PCDH15: variants seen among roughly 807,000 people sequenced by gnomAD.
PCDH15 encodes the protein protocadherin related 15, also known as protocadherin-15.
In PCDH15, 129 loss-of-function variants were observed where a neutral mutation model predicts 178.5. The ratio of observed to expected loss-of-function variants is 0.72; its 90% CI spans 0.63 to 0.84. PCDH15 has a LOEUF of 0.84. PCDH15 is among the 40% of genes least tolerant of loss of function. PCDH15 has a pLI of 0.00. For missense variants in PCDH15, 2,230 were observed against 2,099.9 expected, an observed-to-expected ratio of 1.06 and a Z score of -1.21; for synonymous variants, 800 against 732.0, an observed-to-expected ratio of 1.09 and a Z score of -1.50.
intron 13 of PCDH15, among the ~76,000 whole-genome samples, chr10:54,159,943 A>G (rs867160355): frequency 3.9e-5 from 6 of 152,330 alleles, no homozygotes; most frequent in East Asian, 1.9e-4. Flanking sequence ...ACCTCAGCAT[A>G]CAATTTTTTT....
intron 8 of PCDH15, among the ~76,000 whole-genome samples, chr10:54,286,100 G>A (rs1322602947): frequency 6.6e-6 from 1 of 152,170 alleles, no homozygotes; most frequent in African/African-American, 2.4e-5. Flanking sequence ...AGTTACATTT[G>A]CACAGGATGA....
chr10:54,004,260 C>A (rs1357875208), intron 20 of PCDH15, among the ~76,000 whole-genome samples: 6 of 151,868 alleles, frequency 4.0e-5, no homozygotes, highest in Non-Finnish European at 8.8e-5. Context: ...CACTGTTATT[C>A]AATATAGTAC....
intron 2 of PCDH15, among the ~76,000 whole-genome samples, chr10:55,463,501 T>C (rs1011232822): frequency 4.6e-5 from 7 of 151,610 alleles, no homozygotes; most frequent in Non-Finnish European, 1.0e-4. Flanking sequence ...ATAATAAAAA[T>C]AAATTAGCCA....
intron 26 of PCDH15, among the ~76,000 whole-genome samples, chr10:53,892,201 G>GTTTTTAGT (rs1219196860): frequency 1.3e-5 from 2 of 151,184 alleles, no homozygotes; most frequent in Non-Finnish European, 3.0e-5. Flanking sequence ...ATTTTTTGTA[G>GTTTTTAGT]TTTTTAGTAG....
chr10:54,828,678 G>A (rs1248156075), intron 3 of PCDH15, among the ~76,000 whole-genome samples: 1 of 151,836 alleles, frequency 6.6e-6, no homozygotes, highest in Non-Finnish European at 1.5e-5. Context: ...ATTTTAAGTA[G>A]CTCCTATATG....
intron 2 of PCDH15, among the ~76,000 whole-genome samples, chr10:54,628,766 A>G (rs1328534783): frequency 6.6e-6 from 1 of 152,102 alleles, no homozygotes; most frequent in Non-Finnish European, 1.5e-5. Flanking sequence ...TTATGACTGG[A>G]GTTGGTGAGA....
At chr10:55,294,370 T>G (rs187694735) in intron 1 of PCDH15, among the ~76,000 whole-genome samples, 1 of 152,264 alleles carries the variant, frequency 6.6e-6, no homozygotes, top group African/African-American at 2.4e-5. Flanking sequence ...TATAGCTAGG[T>G]GTTGAACTAA....
At chr10:54,681,697 T>G (rs559293359) in intron 1 of PCDH15, among the ~76,000 whole-genome samples, 1 of 152,298 alleles carries the variant, frequency 6.6e-6, no homozygotes, top group African/African-American at 2.4e-5. Flanking sequence ...TGTTAGTGTT[T>G]TTTTTTACTG....
intron 2 of PCDH15, among the ~76,000 whole-genome samples, chr10:55,153,873 TA>T (rs1157034181): frequency 2.0e-5 from 3 of 152,304 alleles, no homozygotes; most frequent in Admixed American, 2.0e-4. Context: ...AAGTTCTACT[TA>T]AACAAGTCAG....
chr10:55,084,687 T>C (rs781521680), intron 2 of PCDH15, among the ~76,000 whole-genome samples: 31 of 151,920 alleles, frequency 2.0e-4, no homozygotes, highest in Non-Finnish European at 4.4e-5. Context: ...TAACAAGGGA[T>C]TAATAACCAG....
chr10:54,199,564 C>CAATAAT (rs1376777913), intron 10 of PCDH15, among the ~76,000 whole-genome samples: 1,316 of 79,236 alleles, frequency 0.017, 17 homozygotes, highest in African/African-American at 0.047. Flanking sequence ...TAAACAACAA[C>CAATAAT]AACAACAATA....
At position 54,605,425 on chromosome 10, in the gene PCDH15, ATTTG is replaced by A. The variant is rs918546496; in HGVS notation, c.91+58743_91+58746del. ...ATACTGTTTTGATTGGCAGTTGTGT[ATTTG>A]TTTGTTTGTTTCCGCATTTTAAATG... On this transcript the variant is annotated intron_variant, in intron 2 of 37. Coordinates refer to ENST00000644397, the MANE Select transcript of PCDH15 (RefSeq NM_001384140.1). Among the ~76,000 whole-genome samples, 7 of 151,926 alleles carry A rather than the reference ATTTG, an allele frequency of 4.6e-5. No homozygotes were observed. The East Asian group carries it at 9.7e-4, about 21-fold the overall frequency.
chr10:54,981,877 G>A (rs1014210291), intron 2 of PCDH15, among the ~76,000 whole-genome samples: 1 of 151,854 alleles, frequency 6.6e-6, no homozygotes, highest in East Asian at 1.9e-4. Context: ...CCAGGCTCAA[G>A]CAATCCTCCC....
intron 1 of PCDH15, among the ~76,000 whole-genome samples, chr10:55,276,764 C>A (rs559844255): frequency 6.6e-6 from 1 of 151,402 alleles, no homozygotes; most frequent in Non-Finnish European, 1.5e-5. Flanking sequence ...TAAAATTGGA[C>A]GCATTATTTC....
chr10:54,079,555 A>G (rs963284556), intron 16 of PCDH15, 131 bp from the exon 17 acceptor site: 2 of 837,266 alleles, frequency 2.4e-6, no homozygotes, highest in African/African-American at 3.3e-5. Context: ...AGTATTTTAG[A>G]TGTATAATAC....
chr10:53,824,917 C>T (rs531236469), intron 32 of PCDH15, among the ~76,000 whole-genome samples: 1 of 151,858 alleles, frequency 6.6e-6, no homozygotes, highest in South Asian at 2.1e-4. Flanking sequence ...TTTTGAAATT[C>T]CTTTCAGTAG....
chr10:54,673,022 C>G (rs1319085607), intron 1 of PCDH15, among the ~76,000 whole-genome samples: 2 of 151,546 alleles, frequency 1.3e-5, no homozygotes, highest in Admixed American at 1.3e-4. Flanking sequence ...AATTTTTTTT[C>G]TTAAATCTGC....
At chr10:54,761,650 T>C (rs1323373428) in intron 1 of PCDH15, among the ~76,000 whole-genome samples, 1 of 151,970 alleles carries the variant, frequency 6.6e-6, no homozygotes, top group Non-Finnish European at 1.5e-5. Flanking sequence ...GCCACTGCAC[T>C]CCAGCCTGGG....
chr10:54,565,370 T>C (rs1169147720), intron 2 of PCDH15, among the ~76,000 whole-genome samples: 1 of 152,160 alleles, frequency 6.6e-6, no homozygotes, highest in Non-Finnish European at 1.5e-5. Context: ...CAACCTCTGG[T>C]CCTTGATTTC....
Sources: gnomAD v4.1 joint callset for allele counts (sites outside exome capture counted in the v4.1 genomes callset) on GRCh38, gnomAD v4.1.1 for gene constraint, MANE v1.5 for transcripts, NCBI Gene and HGNC (gene_info 2026-07-23, HGNC 2026-07-21) for gene names.